The following MACROD2 variants were observed in gnomAD, a reference collection of about 807,000 sequenced individuals.
MACROD2 encodes the protein ADP-ribose glycohydrolase MACROD2.
Under a neutral mutation model 70.4 loss-of-function variants are expected in MACROD2, and 36 were observed. That is an observed-to-expected ratio of 0.51 (90% confidence interval 0.39 to 0.68). MACROD2 has a LOEUF of 0.68. MACROD2 is among the 30% of genes least tolerant of loss of function. The pLI is 0.00. For synonymous variants in MACROD2, 172 were observed against 178.8 expected (o/e 0.96, Z 0.30); for missense variants, 496 against 538.4 (o/e 0.92, Z 0.78).
chr20:16,011,403 T>C (rs2066860943), intron 15 of MACROD2, among the ~76,000 whole-genome samples: 1 of 152,192 alleles, frequency 6.6e-6, no homozygotes, highest in South Asian at 2.1e-4. Context: ...GTCCCAGTTG[T>C]CCAGAGTTGA....
chr20:14,520,842 C>T (rs2123175563), intron 4 of MACROD2, among the ~76,000 whole-genome samples: 2 of 152,248 alleles, frequency 1.3e-5, no homozygotes, highest in East Asian at 1.9e-4. Context: ...CCCTGCTCTA[C>T]TTACCTCCTC....
chr20:14,895,197 G>A (rs529707204), intron 5 of MACROD2: 1 of 152,318 alleles, frequency 6.6e-6, no homozygotes, highest in African/African-American at 2.4e-5. Context: ...TTAAAGGAAT[G>A]TGTGTTGGGA....
At chr20:14,653,301 C>G (rs1219024982) in intron 4 of MACROD2, among the ~76,000 whole-genome samples, 2 of 151,232 alleles carry the variant, frequency 1.3e-5, no homozygotes, top group African/African-American at 4.9e-5. Flanking sequence ...TCACTGCAAG[C>G]TCCGCCTCCC....
intron 5 of MACROD2, among the ~76,000 whole-genome samples, chr20:15,139,569 C>T (rs539656736): frequency 6.6e-6 from 1 of 152,080 alleles, no homozygotes; most frequent in South Asian, 2.1e-4. Context: ...GATGCAGGAG[C>T]TGTCTCAGCT....
chr20:14,726,526 A>G (rs1228920863), intron 5 of MACROD2, among the ~76,000 whole-genome samples: 1 of 152,162 alleles, frequency 6.6e-6, no homozygotes, highest in East Asian at 1.9e-4. Context: ...CTAAACTCTG[A>G]TTTGGTTTCC....
intron 4 of MACROD2, among the ~76,000 whole-genome samples, chr20:14,632,729 A>G (rs1414253177): frequency 6.6e-6 from 1 of 152,210 alleles, no homozygotes; most frequent in Admixed American, 6.5e-5. Context: ...ATAAATTGAG[A>G]TGTTTTTGAA....
At chr20:15,052,381 G>A (rs976755617) in intron 5 of MACROD2, among the ~76,000 whole-genome samples, 4 of 152,122 alleles carry the variant, frequency 2.6e-5, no homozygotes, top group African/African-American at 9.7e-5. Context: ...ACCTTGTATT[G>A]AGCAAGCCTA....
chr20:14,340,218 G>A (rs945201639), intron 3 of MACROD2, among the ~76,000 whole-genome samples: 1 of 152,132 alleles, frequency 6.6e-6, no homozygotes, highest in African/African-American at 2.4e-5. Flanking sequence ...CTTGGCTCAG[G>A]GTAGAGGACA....
intron 3 of MACROD2, among the ~76,000 whole-genome samples, chr20:14,463,163 A>G (rs1310462395): frequency 1.3e-5 from 2 of 152,070 alleles, no homozygotes; most frequent in African/African-American, 4.8e-5. Context: ...CTTCCTACCC[A>G]TGAGCATGGA....
chr20:14,625,367 GGT>G (rs1200053548), intron 4 of MACROD2, among the ~76,000 whole-genome samples: 31 of 151,710 alleles, frequency 2.0e-4, no homozygotes, highest in Non-Finnish European at 8.8e-5. Context: ...GGAATGAGGG[GGT>G]ATAGGAAGTG....
At chr20:15,812,756 CTTAAG>C (rs904197247) in intron 8 of MACROD2, among the ~76,000 whole-genome samples, 11 of 152,246 alleles carry the variant, frequency 7.2e-5, no homozygotes, top group Middle Eastern at 6.8e-3. Context: ...ACAGAGCTAA[CTTAAG>C]TTGTTTGCTT....
intron 3 of MACROD2, among the ~76,000 whole-genome samples, chr20:14,167,702 T>G (rs1283367222): frequency 1.3e-5 from 2 of 152,190 alleles, no homozygotes; most frequent in African/African-American, 4.8e-5. Flanking sequence ...AATGTTTTTA[T>G]AATACTGAAG....
intron 5 of MACROD2, among the ~76,000 whole-genome samples, chr20:14,906,509 G>GA (rs1202522290): frequency 8.0e-5 from 12 of 150,824 alleles, no homozygotes; most frequent in East Asian, 1.9e-4. Context: ...GAAAAGAAAA[G>GA]AAAAAAAAAT....
At chr20:14,543,389 A>C (rs1361778950) in intron 4 of MACROD2, among the ~76,000 whole-genome samples, 2 of 152,194 alleles carry the variant, frequency 1.3e-5, no homozygotes, top group Non-Finnish European at 2.9e-5. Context: ...TGGTCTCTTT[A>C]AGTTTTACAT....
chr20:14,800,993 C>A (rs142782996), intron 5 of MACROD2, among the ~76,000 whole-genome samples: 123 of 152,228 alleles, frequency 8.1e-4, no homozygotes, highest in African/African-American at 2.7e-3. Context: ...TGACAACACA[C>A]ATGTGAGTTT....
intron 4 of MACROD2, among the ~76,000 whole-genome samples, chr20:14,659,690 G>T (rs1986136811): frequency 6.6e-6 from 1 of 152,082 alleles, no homozygotes; most frequent in Non-Finnish European, 1.5e-5. Flanking sequence ...TGGGTGGCAT[G>T]CCCACTCAGA....
chr20:15,676,056 G>T (rs2050052770), intron 8 of MACROD2, among the ~76,000 whole-genome samples: 1 of 152,116 alleles, frequency 6.6e-6, no homozygotes, highest in African/African-American at 2.4e-5. Flanking sequence ...GCAATTTGCT[G>T]CTTTTCATTT....
intron 4 of MACROD2, among the ~76,000 whole-genome samples, chr20:14,617,236 A>G (rs997431157): frequency 6.6e-6 from 1 of 152,124 alleles, no homozygotes; most frequent in Non-Finnish European, 1.5e-5. Context: ...CCGAGATTCA[A>G]CATAGTTCTT....
rs531749489 is a variant in MACROD2, at chr20:14,785,485, C to A, written c.418+100526C>A. On this transcript the variant is annotated intron_variant, in intron 5 of 17. Transcript: ENST00000684519. ...TTTGAGGGAAGGGGAGAGGGCCAGT[C>A]CCCCTGGGGGACTTGGAGTCAAGAC... 2.0e-5 allele frequency among the ~76,000 whole-genome samples: 3 copies of A among 151,572 alleles called. 1 individual carries two copies. The highest frequency in any genetic ancestry group is 2.1e-4 in the South Asian group (1 of 4,814).
Sources: allele counts gnomAD v4.1 joint callset (sites outside exome capture counted in the v4.1 genomes callset), GRCh38; gene constraint gnomAD v4.1.1; transcripts MANE v1.5; gene names NCBI Gene and HGNC (gene_info 2026-07-23, HGNC 2026-07-21).